The following BRIP1 variants were observed in gnomAD, a reference collection of about 807,000 sequenced individuals.
The protein encoded by BRIP1 is Fanconi anemia group J protein.
BRIP1 carries 88 observed loss-of-function variants against 119.7 expected under a neutral mutation model. The observed-to-expected ratio is 0.74, with a 90% CI of 0.62 to 0.88. BRIP1 has a LOEUF of 0.88. Among genes scored for constraint, BRIP1 ranks in the 40% least tolerant of loss-of-function variants. The pLI, the probability that BRIP1 is intolerant of heterozygous loss-of-function variation, is 0.00. For synonymous variants in BRIP1, 443 were observed against 496.5 expected (o/e 0.89, Z 1.43); for missense variants, 1,259 against 1,455.4 (o/e 0.87, Z 2.20).
At chr17:61,850,978 A>G (rs1372810600) in intron 4 of BRIP1, among the ~76,000 whole-genome samples, 1 of 152,180 alleles carries the variant, frequency 6.6e-6, no homozygotes, top group Non-Finnish European at 1.5e-5. Flanking sequence ...CTGTAATCCC[A>G]GCACTTTGGG....
rs1194608443 is a variant in BRIP1, at chr17:61,798,058, TA to T, written c.1340+1041del. Among the ~76,000 whole-genome samples, 4 of 151,996 alleles carry T rather than the reference TA, an allele frequency of 2.6e-5. No homozygotes were observed. The East Asian group carries it at 5.8e-4, about 22-fold the overall frequency. ...CCACTTCTAAAAAGATTCCTATAGA[TA>T]TATTTGCATACAAATGAAATTATGT... is the stretch of plus-strand genomic sequence containing the variant. On this transcript the variant is annotated intron_variant, in intron 9 of 19. Coordinates refer to ENST00000259008, the MANE Select transcript of BRIP1 (RefSeq NM_032043.3). This position sits in a 1 kb window ranked among gnomAD's most constrained non-coding sequence, Gnocchi z 5.5.
Position 61,700,157 on chromosome 17 carries a change from G to C in BRIP1, c.2493-6645C>G, listed in dbSNP as rs1051512436. On this transcript the variant is annotated intron_variant, in intron 17 of 19. Transcript: ENST00000259008. The surrounding 1 kb of genome is among the most constrained non-coding windows in gnomAD (Gnocchi z 4.1). ...TGAAGGTGGTCTTGGCAACCCACAAGACAATCACCACAGATTTACAATTAT... is the reference window on the plus strand; with the variant it reads ...TGAAGGTGGTCTTGGCAACCCACAACACAATCACCACAGATTTACAATTAT... 5.3e-5 allele frequency among the ~76,000 whole-genome samples: 8 copies of C among 152,090 alleles called. No homozygotes were observed. Among genetic ancestry groups the C allele is most frequent in the Admixed American group, 2.6e-4 (4 of 15,270 alleles).
chr17:61,715,054 G>A (rs1387620870), intron 17 of BRIP1, among the ~76,000 whole-genome samples: 2 of 151,848 alleles, frequency 1.3e-5, no homozygotes, highest in Non-Finnish European at 2.9e-5. Context: ...ACAAAAATTA[G>A]CTGGGCATGG....
Position 61,734,211 on chromosome 17 carries a change from T to C in BRIP1, c.2379+8802A>G, listed in dbSNP as rs1324755245. 1.3e-5 allele frequency among the ~76,000 whole-genome samples: 2 copies of C among 152,180 alleles called. No homozygotes were observed. Among genetic ancestry groups the C allele is most frequent in the African/African-American group, 4.8e-5 (2 of 41,454 alleles). On this transcript the variant is annotated intron_variant, in intron 16 of 19. Coordinates refer to ENST00000259008, the MANE Select transcript of BRIP1 (RefSeq NM_032043.3). The surrounding 1 kb of genome is among the most constrained non-coding windows in gnomAD (Gnocchi z 5.2). ...CCTGTGGTTGTTAGATCACAGTAAT[T>C]GGCCAGAGGATTTGCTTTAGATATC...
At chr17:61,698,083 C>T (rs1401461050) in intron 17 of BRIP1, among the ~76,000 whole-genome samples, 1 of 152,094 alleles carries the variant, frequency 6.6e-6, no homozygotes, top group African/African-American at 2.4e-5. Context: ...TAGGATTACA[C>T]ACGTGAGCCA....
At chr17:61,786,197 C>T (rs1164402929) in intron 10 of BRIP1, among the ~76,000 whole-genome samples, 1 of 148,914 alleles carries the variant, frequency 6.7e-6, no homozygotes, top group Non-Finnish European at 1.5e-5. Context: ...CATGAGTGAG[C>T]GTGTGTGTGT....
intron 14 of BRIP1, among the ~76,000 whole-genome samples, chr17:61,749,338 A>G (rs1312613111): frequency 6.6e-6 from 1 of 152,114 alleles, no homozygotes; most frequent in Admixed American, 6.5e-5. Flanking sequence ...AACCTAAAGG[A>G]TGAGAAAAAA....
In BRIP1 at chr17:61,769,124, C is replaced by A. The variant is rs2077412031; in HGVS notation, c.2097+7277G>T. Reference sequence around the variant, plus strand: ...AATTCTGCAAACAAACTGAGGGACCCTGGAAGCTAATCTTTCCCCAGTCAA... The same window carrying A: ...AATTCTGCAAACAAACTGAGGGACCATGGAAGCTAATCTTTCCCCAGTCAA... On this transcript the variant is annotated intron_variant, in intron 14 of 19. Coordinates refer to ENST00000259008, the MANE Select transcript of BRIP1 (RefSeq NM_032043.3). This position sits in a 1 kb window ranked among gnomAD's most constrained non-coding sequence, Gnocchi z 4.9. Among the ~76,000 whole-genome samples the A allele has an allele frequency of 6.6e-6, 1 of 152,128 alleles. No homozygotes were observed. The highest frequency in any genetic ancestry group is 2.4e-5 in the African/African-American group (1 of 41,412).
chr17:61,784,032 T>G, intron 11 of BRIP1: 1 of 401,588 alleles, frequency 2.5e-6, no homozygotes, highest in Non-Finnish European at 4.5e-6. Flanking sequence ...CAGTGAGCTG[T>G]GATCATGCAA....
rs560079334 is a variant in BRIP1 at position 61,841,100 on chromosome 17, A to C, written c.627+6001T>G. On this transcript the variant is annotated intron_variant, in intron 6 of 19. Transcript: ENST00000259008. The surrounding 1 kb of genome is among the most constrained non-coding windows in gnomAD (Gnocchi z 4.1). ...ATTAAAGACTTAAACATAAGACCCAAAACTATAAGACTACTAGAAGAAAAC... is the reference window on the plus strand; with the variant it reads ...ATTAAAGACTTAAACATAAGACCCACAACTATAAGACTACTAGAAGAAAAC... Among the ~76,000 whole-genome samples the C allele has an allele frequency of 4.7e-4, 72 of 152,336 alleles. No homozygotes were observed. The highest frequency in any genetic ancestry group is 3.5e-3 in the South Asian group (17 of 4,832).
intron 14 of BRIP1, among the ~76,000 whole-genome samples, chr17:61,771,972 G>A (rs1387124358): frequency 6.6e-6 from 1 of 151,410 alleles, no homozygotes; most frequent in Non-Finnish European, 1.5e-5. Flanking sequence ...AAAAAAAGAA[G>A]TTACATTTAG....
chr17:61,683,084 G>GCA lies in BRIP1; in HGVS notation c.*210_*211dup, dbSNP rs933015243. On this transcript the variant is annotated 3_prime_UTR_variant, in exon 20 of 20. Transcript: ENST00000259008. This position sits in a 1 kb window ranked among gnomAD's most constrained non-coding sequence, Gnocchi z 4.7. ...AGGTGAAGGTTGCAGTGAGCCCAGA[G>GCA]CACACCACTGCATTCCAGCCTGGGC... The GCA allele has an allele frequency of 3.8e-5, 21 of 546,426 alleles. No individual in the cohort carries two copies. Among genetic ancestry groups the GCA allele is most frequent in the African/African-American group, 3.8e-4 (20 of 52,732 alleles). 33.8% of individuals were successfully genotyped at this position (546,426 alleles called of 1,614,324 possible). A position where few individuals can be genotyped will look rare whatever the true frequency, so the allele number is the denominator to read the frequency against.
chr17:61,744,294 C>G lies in BRIP1; in HGVS notation c.2257+138G>C, dbSNP rs541611947. On this transcript the variant is annotated intron_variant, in intron 15 of 19. Coordinates refer to ENST00000259008, the MANE Select transcript of BRIP1 (RefSeq NM_032043.3). This position sits in a 1 kb window ranked among gnomAD's most constrained non-coding sequence, Gnocchi z 5.0. The stretch of plus-strand genomic sequence containing the variant: ...GTACAATTAAAAGAATTTCTTTACC[C>G]AATTTATTTTCTTTTCACTCAGGAT... 10 of 937,044 alleles carry G rather than the reference C, an allele frequency of 1.1e-5. No individual in the cohort carries two copies. Among genetic ancestry groups the G allele is most frequent in the African/African-American group, 1.7e-5 (1 of 59,518 alleles). 58.0% of individuals were successfully genotyped at this position (937,044 alleles called of 1,614,324 possible).
At position 61,799,572 on chromosome 17, in the gene BRIP1, G is replaced by C. The variant is rs545801442; in HGVS notation, c.1141-273C>G. On this transcript the variant is annotated intron_variant, in intron 8 of 19. Coordinates refer to ENST00000259008, the MANE Select transcript of BRIP1 (RefSeq NM_032043.3). This position sits in a 1 kb window ranked among gnomAD's most constrained non-coding sequence, Gnocchi z 5.1. ...AAATATGTCAGTGAGTCTGGATCAA[G>C]GTACCACAGGCTACACAGAAAGGTA... Among the ~76,000 whole-genome samples, 148 of 152,032 alleles carry C rather than the reference G, an allele frequency of 9.7e-4. No individual in the cohort carries two copies. Among genetic ancestry groups the C allele is most frequent in the African/African-American group, 3.5e-3 (145 of 41,494 alleles).
intron 16 of BRIP1, among the ~76,000 whole-genome samples, chr17:61,728,821 A>G (rs2076805029): frequency 6.6e-6 from 1 of 152,224 alleles, no homozygotes; most frequent in Admixed American, 6.5e-5. Context: ...GGCTCCAGAA[A>G]TGATATCTCC....
At chr17:61,777,515 C>T (rs770215723) in intron 13 of BRIP1, among the ~76,000 whole-genome samples, 64 of 152,130 alleles carry the variant, frequency 4.2e-4, no homozygotes, top group Non-Finnish European at 8.1e-4. Context: ...GTTGTTTTTA[C>T]TTGCACTTCT....
rs2077197300 is a variant in BRIP1, at chr17:61,756,135, A to G, written c.2098-11544T>C. Among the ~76,000 whole-genome samples, 1 of 152,202 alleles carries G rather than the reference A, an allele frequency of 6.6e-6. No individual in the cohort carries two copies. Among genetic ancestry groups the G allele is most frequent in the Admixed American group, 6.5e-5 (1 of 15,278 alleles). ...TGAAAATGGCCTACAGCAAATTTTC[A>G]GTTTCAGATAACAAAATATTTAGGT... On this transcript the variant is annotated intron_variant, in intron 14 of 19. Transcript: ENST00000259008. This position sits in a 1 kb window ranked among gnomAD's most constrained non-coding sequence, Gnocchi z 4.3.
rs1567876836 is a variant in BRIP1 at position 61,859,776 on chromosome 17, G to C, written c.205+20C>G. The C allele has an allele frequency of 6.7e-7, 1 of 1,490,382 alleles. No individual in the cohort carries two copies. Among genetic ancestry groups the C allele is most frequent in the Non-Finnish European group, 9.4e-7 (1 of 1,067,454 alleles). 92.3% of individuals were successfully genotyped at this position (1,490,382 alleles called of 1,614,324 possible). On this transcript the variant is annotated intron_variant, in intron 3 of 19. Coordinates refer to ENST00000259008, the MANE Select transcript of BRIP1 (RefSeq NM_032043.3). ...CTCAGATCCCAGTAAGTAACCTGAA[G>C]ATATCAAGCAACTACTTACCACTAA... is the stretch of plus-strand genomic sequence containing the variant.
intron 10 of BRIP1, among the ~76,000 whole-genome samples, chr17:61,788,023 A>G (rs900967611): frequency 6.6e-6 from 1 of 152,180 alleles, no homozygotes; most frequent in Admixed American, 6.5e-5. Context: ...AAACATGAAG[A>G]AATAGAAAGA....
Sources: gnomAD v4.1 joint callset for allele counts (sites outside exome capture counted in the v4.1 genomes callset) on GRCh38, gnomAD v4.1.1 for gene constraint, Gnocchi (gnomAD v3.1) non-coding constraint, MANE v1.5 for transcripts, NCBI Gene and HGNC (gene_info 2026-07-23, HGNC 2026-07-21) for gene names.